ANKS1A: variants seen among roughly 807,000 people sequenced by gnomAD.
ANKS1A encodes ankyrin repeat and SAM domain-containing protein 1A.
In ANKS1A, 55 loss-of-function variants were observed where a neutral mutation model predicts 120.3. That is an observed-to-expected ratio of 0.46 (90% CI 0.37 to 0.57). The LOEUF (loss-of-function observed/expected upper bound fraction) is 0.57. ANKS1A is among the 20% of genes least tolerant of loss of function. ANKS1A has a pLI of 0.00. For synonymous variants in ANKS1A, 590 were observed against 604.7 expected (o/e 0.98, Z 0.36); for missense variants, 1,123 against 1,480.3 (o/e 0.76, Z 3.96).
chr6:34,910,196 G>A (rs1054184365), intron 1 of ANKS1A, among the ~76,000 whole-genome samples: 1 of 152,190 alleles, frequency 6.6e-6, no homozygotes, highest in Non-Finnish European at 1.5e-5. Context: ...AAATATTCAG[G>A]AGGAATGAAC....
Position 34,983,195 on chromosome 6 carries a change from A to C in ANKS1A, c.891A>C (p.Gln297His), listed in dbSNP as rs138572814. The C allele has an allele frequency of 5.9e-5, 95 of 1,614,170 alleles. 1 individual carries two copies. The African/African-American group carries it at 1.2e-3, about 21-fold the overall frequency. Residue 297 changes from glutamine (Q) to histidine (H), a missense_variant, in exon 6 of 24, where the codon CAA becomes CAC. By Grantham distance (24) the Gln-to-His change is conservative. Transcript: ENST00000360359. ...AACTGCCTTCTCAAAAGAGCCAGCAAATAGCAGCATTAATTGAAGGTATCA... is the reference window on the plus strand; with the variant it reads ...AACTGCCTTCTCAAAAGAGCCAGCACATAGCAGCATTAATTGAAGGTATCA... ...VRELPSQKSQQIAALIEDHMT... is the reference protein window; with the variant it reads ...VRELPSQKSQHIAALIEDHMT...
intron 11 of ANKS1A, among the ~76,000 whole-genome samples, chr6:35,053,031 T>G (rs779226774): frequency 1.1e-4 from 16 of 152,208 alleles, no homozygotes; most frequent in Non-Finnish European, 2.1e-4. Context: ...TGGCGCTTGC[T>G]CTGTGCTCTT....
At position 34,966,020 on chromosome 6, in the gene ANKS1A, A is replaced by G. The variant is rs182409207; in HGVS notation, c.198-1219A>G. 1.2e-3 allele frequency among the ~76,000 whole-genome samples: 177 copies of G among 152,244 alleles called. 1 individual carries two copies. The highest frequency in any genetic ancestry group is 4.2e-3 in the African/African-American group (174 of 41,554). On this transcript the variant is annotated intron_variant, in intron 1 of 23. Coordinates refer to ENST00000360359, the MANE Select transcript of ANKS1A (RefSeq NM_015245.3). ...AGCTTCCCAAAGTGCTGGGATTATA[A>G]GCATGAGCCATCGCACCTGGCCTGT...
At chr6:34,919,698 C>T (rs1204952849) in intron 1 of ANKS1A, among the ~76,000 whole-genome samples, 1 of 152,116 alleles carries the variant, frequency 6.6e-6, no homozygotes, top group Non-Finnish European at 1.5e-5. Flanking sequence ...CTCTTTGGTT[C>T]ATCTTTAAAA....
intron 13 of ANKS1A, among the ~76,000 whole-genome samples, chr6:35,063,920 C>G (rs1446802057): frequency 2.6e-5 from 4 of 152,220 alleles, no homozygotes; most frequent in Non-Finnish European, 5.9e-5. Flanking sequence ...CCTCGAACCT[C>G]TGGGTTCTGC....
chr6:35,086,126 GC>G lies in ANKS1A; in HGVS notation c.3303+191del. 1 of 1,162,580 alleles carries G rather than the reference GC, an allele frequency of 8.6e-7. No individual in the cohort carries two copies. Among genetic ancestry groups the G allele is most frequent in the Non-Finnish European group, 1.2e-6 (1 of 840,006 alleles). The allele number at this position is 1,162,580 out of a possible 1,614,324, so 72.0% of individuals were successfully genotyped here. A position where few individuals can be genotyped will look rare whatever the true frequency, so the allele number is the denominator to read the frequency against. On this transcript the variant is annotated intron_variant, in intron 22 of 23. Transcript: ENST00000360359. The surrounding 1 kb of genome is among the most constrained non-coding windows in gnomAD (Gnocchi z 5.1). Reference sequence around the variant, plus strand: ...AAAGGCAGCAGCTCCTCTGGCCTGGGCGGGCCTCTCATGCTCCTGTTTCCCT... The same window carrying G: ...AAAGGCAGCAGCTCCTCTGGCCTGGGGGGCCTCTCATGCTCCTGTTTCCCT...
intron 11 of ANKS1A, among the ~76,000 whole-genome samples, chr6:35,053,390 T>C (rs1006574564): frequency 6.6e-5 from 10 of 152,170 alleles, no homozygotes; most frequent in Non-Finnish European, 8.8e-5. Context: ...GCTGGAGCCA[T>C]TGGATGCTTT....
chr6:35,046,427 A>G (rs1045459003), intron 11 of ANKS1A, among the ~76,000 whole-genome samples: 2 of 152,226 alleles, frequency 1.3e-5, no homozygotes, highest in Non-Finnish European at 2.9e-5. Flanking sequence ...AACTCAGACC[A>G]GTGTTAATCT....
chr6:35,093,382 A>G (rs1272047881), downstream of ANKS1A, among the ~76,000 whole-genome samples: 1 of 151,782 alleles, frequency 6.6e-6, no homozygotes, highest in African/African-American at 2.4e-5. Context: ...ACAAAAAAAC[A>G]AACAAAACTC....
intron 10 of ANKS1A, among the ~76,000 whole-genome samples, chr6:35,016,267 A>G (rs1210843153): frequency 6.6e-6 from 1 of 152,188 alleles, no homozygotes; most frequent in Non-Finnish European, 1.5e-5. Flanking sequence ...CTCATCTGTA[A>G]ACATAGTTGA....
intron 1 of ANKS1A, among the ~76,000 whole-genome samples, chr6:34,922,694 CTTTTT>C (rs61568974): frequency 4.7e-5 from 6 of 127,842 alleles, no homozygotes; most frequent in Admixed American, 8.2e-5. Flanking sequence ...CTGGGCATTT[CTTTTT>C]TTTTTTTTTT....
chr6:34,905,987 G>A (rs1180269773), intron 1 of ANKS1A, among the ~76,000 whole-genome samples: 1 of 152,160 alleles, frequency 6.6e-6, no homozygotes, highest in African/African-American at 2.4e-5. Flanking sequence ...ATTGTCTCCA[G>A]GAACTTTTCT....
chr6:34,894,489 G>A (rs949751539), intron 1 of ANKS1A, among the ~76,000 whole-genome samples: 11 of 151,854 alleles, frequency 7.2e-5, no homozygotes, highest in Non-Finnish European at 1.6e-4. Flanking sequence ...CCATCTCTAC[G>A]AAAAATACAA....
chr6:34,998,024 G>C (rs1329459481), intron 10 of ANKS1A, among the ~76,000 whole-genome samples: 1 of 152,206 alleles, frequency 6.6e-6, no homozygotes, highest in Non-Finnish European at 1.5e-5. Context: ...CTCAAGGCTT[G>C]CTGTTTAGAT....
chr6:35,029,537 C>G (rs537963045), intron 11 of ANKS1A, among the ~76,000 whole-genome samples: 6 of 151,026 alleles, frequency 4.0e-5, no homozygotes, highest in Admixed American at 2.0e-4. Flanking sequence ...TTAGTAGAGA[C>G]GAGGTTTCAC....
chr6:34,937,025 A>G (rs759989159), intron 1 of ANKS1A, among the ~76,000 whole-genome samples: 3 of 152,204 alleles, frequency 2.0e-5, no homozygotes, highest in Non-Finnish European at 4.4e-5. Context: ...ATACATACAT[A>G]TACATTCCTA....
chr6:34,997,297 A>G (rs1772907571), intron 10 of ANKS1A, among the ~76,000 whole-genome samples: 1 of 151,620 alleles, frequency 6.6e-6, no homozygotes, highest in Admixed American at 6.6e-5. Flanking sequence ...CCCAGGTTCA[A>G]GTGATTCTCC....
chr6:35,086,259 C>G lies in ANKS1A; in HGVS notation c.3303+323C>G, dbSNP rs916392219. 4 of 1,354,280 alleles carry G rather than the reference C, an allele frequency of 3.0e-6. No individual in the cohort carries two copies. Among genetic ancestry groups the G allele is most frequent in the Non-Finnish European group, 2.9e-6 (3 of 1,031,252 alleles). The allele number at this position is 1,354,280 out of a possible 1,614,324, so 83.9% of individuals were successfully genotyped here. ...TCCCTGTGTCTGTGTCTGCTTTGCT[C>G]TGCACCCCAGGTGCCGCTGCCCCCC... On this transcript the variant is annotated intron_variant, in intron 22 of 23. Transcript: ENST00000360359. This position sits in a 1 kb window ranked among gnomAD's most constrained non-coding sequence, Gnocchi z 5.1.
chr6:34,936,202 A>AGAGT (rs1183061603), intron 1 of ANKS1A, among the ~76,000 whole-genome samples: 1 of 152,184 alleles, frequency 6.6e-6, no homozygotes, highest in Non-Finnish European at 1.5e-5. Flanking sequence ...GTGCATTGAA[A>AGAGT]GAGTACACAT....
Sources: allele counts gnomAD v4.1 joint callset (sites outside exome capture counted in the v4.1 genomes callset), GRCh38; gene constraint gnomAD v4.1.1; non-coding constraint Gnocchi (gnomAD v3.1); transcripts MANE v1.5; gene names NCBI Gene and HGNC (gene_info 2026-07-23, HGNC 2026-07-21).